Variants in RAB3GAP1 observed in about 807,000 individuals in gnomAD.
The protein encoded by RAB3GAP1 is RAB3 GTPase activating protein catalytic subunit 1, also known as rab3 GTPase-activating protein catalytic subunit.
A neutral mutation model predicts 130.7 loss-of-function variants in RAB3GAP1; 86 were observed. That is an observed-to-expected ratio of 0.66 (90% CI 0.55 to 0.79). The LOEUF is 0.79. Ranked by LOEUF, RAB3GAP1 falls within the 30% of genes least tolerant of loss-of-function variation. RAB3GAP1 has a pLI of 0.00. For missense variants in RAB3GAP1, 1,029 were observed against 1,169.4 expected, an observed-to-expected ratio of 0.88 and a Z score of 1.75; for synonymous variants, 367 against 401.7, an observed-to-expected ratio of 0.91 and a Z score of 1.03.
At chr2:135,110,787 C>T (rs537703721) in intron 5 of RAB3GAP1, among the ~76,000 whole-genome samples, 3 of 152,246 alleles carry the variant, frequency 2.0e-5, no homozygotes, top group African/African-American at 7.2e-5. Flanking sequence ...GGGGATTGTA[C>T]TTTTGAAAAG....
rs777546524 is a variant in RAB3GAP1 at position 135,168,540 on chromosome 2, T to G, written c.2710-5T>G. 6.2e-7 allele frequency: 1 copy of G among 1,613,002 alleles called. No homozygotes were observed. The highest frequency in any genetic ancestry group is 1.3e-5 in the African/African-American group (1 of 74,888). ...TTTTGACTTTAGCATTTGATTCTTT[T>G]CCAGGCTGCAGCTATGACTCCACCA... On this transcript the variant is annotated splice_region_variant and splice_polypyrimidine_tract_variant and intron_variant, in intron 23 of 23. Transcript: ENST00000264158.
intron 3 of RAB3GAP1, chr2:135,058,309 GTA>G (rs147304537): frequency 0.014 from 5,055 of 353,020 alleles, 1 homozygote; most frequent in Middle Eastern, 0.026. Flanking sequence ...ATGTGTGTGT[GTA>G]TATATATATA....
chr2:135,121,049 T>C lies in RAB3GAP1; in HGVS notation c.748+131T>C. 3 of 770,850 alleles carry C rather than the reference T, an allele frequency of 3.9e-6. 1 individual carries two copies. The South Asian group carries it at 4.6e-5, about 12-fold the overall frequency. The allele number at this position is 770,850 out of a possible 1,614,324, so 47.8% of individuals were successfully genotyped here. On this transcript the variant is annotated intron_variant, in intron 8 of 23. Coordinates refer to ENST00000264158, the MANE Select transcript of RAB3GAP1 (RefSeq NM_012233.3). The stretch of plus-strand genomic sequence containing the variant: ...AAATATTTGTGATTCATTTTAAATG[T>C]AATATTATTGCTTTCATTGCCCTTA...
At chr2:135,094,178 C>T (rs1293992237) in intron 5 of RAB3GAP1, among the ~76,000 whole-genome samples, 1 of 151,998 alleles carries the variant, frequency 6.6e-6, no homozygotes, top group Non-Finnish European at 1.5e-5. Context: ...TGAGAACCCT[C>T]CCCAAATCCC....
At chr2:135,068,375 T>C (rs1689380741) in intron 3 of RAB3GAP1, among the ~76,000 whole-genome samples, 1 of 152,082 alleles carries the variant, frequency 6.6e-6, no homozygotes, top group African/African-American at 2.4e-5. Flanking sequence ...ATTTTCAATA[T>C]GCATTATGAA....
downstream of RAB3GAP1, among the ~76,000 whole-genome samples, chr2:135,174,469 C>G (rs957546579): frequency 3.3e-5 from 5 of 152,230 alleles, no homozygotes; most frequent in Non-Finnish European, 7.3e-5. Context: ...AGGGCCTTGC[C>G]TTAAAACAGC....
At chr2:135,082,203 C>T (rs891294878) in intron 3 of RAB3GAP1, among the ~76,000 whole-genome samples, 2 of 150,434 alleles carry the variant, frequency 1.3e-5, no homozygotes, top group Admixed American at 6.6e-5. Flanking sequence ...AATTTATATA[C>T]CATAAAATTT....
intron 5 of RAB3GAP1, among the ~76,000 whole-genome samples, chr2:135,099,822 A>C (rs530328397): frequency 1.3e-5 from 2 of 152,222 alleles, no homozygotes; most frequent in East Asian, 3.9e-4. Flanking sequence ...GGTCATTCAA[A>C]ACATTACAAC....
At chr2:135,165,350 T>G (rs1181894889) in intron 23 of RAB3GAP1, among the ~76,000 whole-genome samples, 1 of 152,196 alleles carries the variant, frequency 6.6e-6, no homozygotes, top group East Asian at 1.9e-4. Context: ...CAGGGCTCAT[T>G]AATATTAGGG....
At chr2:135,065,767 A>ATTTTTT (rs1201634667) in intron 3 of RAB3GAP1, among the ~76,000 whole-genome samples, 3 of 123,940 alleles carry the variant, frequency 2.4e-5, no homozygotes, top group African/African-American at 6.8e-5. Flanking sequence ...ATCTTCACTA[A>ATTTTTT]TTTTTTTTTT....
At chr2:135,081,232 G>A (rs576436022) in intron 3 of RAB3GAP1, among the ~76,000 whole-genome samples, 86 of 145,952 alleles carry the variant, frequency 5.9e-4, no homozygotes, top group Non-Finnish European at 1.0e-3. Flanking sequence ...GCGTGAACCC[G>A]GGAGGTGGAG....
intron 3 of RAB3GAP1, among the ~76,000 whole-genome samples, chr2:135,071,897 G>C (rs1689484038): frequency 6.6e-6 from 1 of 152,114 alleles, no homozygotes; most frequent in African/African-American, 2.4e-5. Flanking sequence ...TTAGAATATT[G>C]TATTGAATCT....
At chr2:135,127,329 T>G (rs1419354954) in intron 11 of RAB3GAP1, among the ~76,000 whole-genome samples, 1 of 150,840 alleles carries the variant, frequency 6.6e-6, no homozygotes, top group East Asian at 2.0e-4. Flanking sequence ...AAGAGCACTG[T>G]TTTGTTTGTT....
At chr2:135,155,226 T>A (rs1692277183) in intron 19 of RAB3GAP1, among the ~76,000 whole-genome samples, 1 of 150,612 alleles carries the variant, frequency 6.6e-6, no homozygotes, top group African/African-American at 2.4e-5. Flanking sequence ...AGGATAGAAG[T>A]AAAAGAAAAA....
rs1425051172 is a variant in RAB3GAP1, at chr2:135,124,244, T to C, written c.828T>C (p.Ile276=). The C allele has an allele frequency of 1.2e-6, 2 of 1,613,310 alleles. No homozygotes were observed. The highest frequency in any genetic ancestry group is 1.7e-6 in the Non-Finnish European group (2 of 1,179,232). The change falls in exon 9 of 24, where the codon ATT becomes ATC. Residue 276 remains isoleucine, a splice_region_variant and synonymous_variant. Transcript: ENST00000264158. ...KLPFGACEDP[I]SELHLATTWP... ...CATTTGGTGCCTGCGAAGATCCTAT[T>C]AGGTGAGAATTTCAACCTGTCATTT...
At chr2:135,163,223 A>G (rs17261912) in intron 22 of RAB3GAP1, 122 bp downstream of exon 22, 7,684 of 753,426 alleles carry the variant, frequency 0.01, 109 homozygotes, top group South Asian at 0.042. Flanking sequence ...TGAAACAAGC[A>G]TTGTCTAGAG....
chr2:135,167,973 A>G (rs1269072474), intron 23 of RAB3GAP1, among the ~76,000 whole-genome samples: 1 of 152,250 alleles, frequency 6.6e-6, no homozygotes, highest in African/African-American at 2.4e-5. Context: ...TTTCAATGAA[A>G]AAATAGATGC....
chr2:135,165,447 T>A (rs750448622), intron 23 of RAB3GAP1, among the ~76,000 whole-genome samples: 2 of 152,144 alleles, frequency 1.3e-5, no homozygotes, highest in African/African-American at 4.8e-5. Context: ...GTTTTGAGAG[T>A]GTAATTTTCA....
chr2:135,149,716 C>T (rs1446163561), intron 17 of RAB3GAP1, among the ~76,000 whole-genome samples: 1 of 152,100 alleles, frequency 6.6e-6, no homozygotes, highest in African/African-American at 2.4e-5. Flanking sequence ...TGCAGTGGCT[C>T]GATCTCGGCT....
Sources: allele counts gnomAD v4.1 joint callset (sites outside exome capture counted in the v4.1 genomes callset), GRCh38; gene constraint gnomAD v4.1.1; transcripts MANE v1.5; gene names NCBI Gene and HGNC (gene_info 2026-07-23, HGNC 2026-07-21).